The following SORCS3 variants were observed in gnomAD, a reference collection of about 807,000 sequenced individuals.
SORCS3 encodes sortilin related VPS10 domain containing receptor 3.
Under a neutral mutation model 146.3 loss-of-function variants are expected in SORCS3, and 57 were observed. The ratio of observed to expected loss-of-function variants is 0.39; its 90% CI spans 0.31 to 0.49. The LOEUF is 0.49. Among genes scored for constraint, SORCS3 ranks in the 20% least tolerant of loss-of-function variants. The pLI is 0.92. For missense variants in SORCS3, 1,341 were observed against 1,575.5 expected (o/e 0.85, Z 2.52); for synonymous variants, 653 against 618.5 (o/e 1.06, Z -0.83).
intron 7 of SORCS3, among the ~76,000 whole-genome samples, chr10:105,110,295 C>T (rs1233536850): frequency 1.3e-5 from 2 of 151,886 alleles, no homozygotes; most frequent in Non-Finnish European, 2.9e-5. Flanking sequence ...TAGAGGTGAG[C>T]TCTTCATCAT....
chr10:104,742,829 G>T (rs1438693281), intron 1 of SORCS3, among the ~76,000 whole-genome samples: 1 of 152,150 alleles, frequency 6.6e-6, no homozygotes, highest in South Asian at 2.1e-4. Flanking sequence ...TGTTCCATTG[G>T]TTGGAACTGC....
At chr10:105,119,216 C>T (rs1384699900) in intron 7 of SORCS3, among the ~76,000 whole-genome samples, 3 of 152,160 alleles carry the variant, frequency 2.0e-5, no homozygotes, top group Non-Finnish European at 4.4e-5. Flanking sequence ...AGTCTCAAGC[C>T]TTGGTGGCTA....
chr10:105,245,256 C>G (rs1336696701), intron 20 of SORCS3, among the ~76,000 whole-genome samples: 1 of 152,042 alleles, frequency 6.6e-6, no homozygotes, highest in Non-Finnish European at 1.5e-5. Context: ...GTTACAAAAG[C>G]TGTTTCTACT....
chr10:105,163,883 T>TACACACACACACACACACACACAC (rs67886313), intron 11 of SORCS3, among the ~76,000 whole-genome samples: 1 of 138,598 alleles, frequency 7.2e-6, no homozygotes, highest in African/African-American at 2.5e-5. Context: ...GTTACGCACA[T>TACACACACACACACACACACACAC]ACACACACAC....
Position 105,255,829 on chromosome 10 carries a change from G to A in SORCS3, c.3337+28G>A, listed in dbSNP as rs753776041. 5 of 1,514,660 alleles carry A rather than the reference G, an allele frequency of 3.3e-6. No homozygotes were observed. In the South Asian group the frequency reaches 5.7e-5, roughly 17 times the overall value. 93.8% of individuals were successfully genotyped at this position (1,514,660 alleles called of 1,614,324 possible). ...GAGTGCCACTGGGAACTGGGGAAAT[G>A]GGAAAGAGGATCTGTTATCCCAGAG... On this transcript the variant is annotated intron_variant, in intron 24 of 26. Coordinates refer to ENST00000369701, the MANE Select transcript of SORCS3 (RefSeq NM_014978.3).
intron 13 of SORCS3, among the ~76,000 whole-genome samples, chr10:105,172,255 C>A (rs2056366411): frequency 6.6e-6 from 1 of 152,138 alleles, no homozygotes; most frequent in Non-Finnish European, 1.5e-5. Context: ...ACATGATATG[C>A]AACTCAAGAC....
intron 20 of SORCS3, among the ~76,000 whole-genome samples, chr10:105,242,429 TATAC>T (rs557403193): frequency 0.022 from 1,461 of 66,426 alleles, 47 homozygotes; most frequent in South Asian, 0.044. Flanking sequence ...TTTATATATT[TATAC>T]ATATATTTAT....
intron 5 of SORCS3, among the ~76,000 whole-genome samples, chr10:105,047,138 AT>A (rs148094186): frequency 0.047 from 7,035 of 150,236 alleles, 191 homozygotes; most frequent in Middle Eastern, 0.077. Context: ...CAGTGGGAAG[AT>A]TTTTTTTTTC....
At chr10:105,200,745 A>G (rs2056569757) in intron 15 of SORCS3, among the ~76,000 whole-genome samples, 1 of 152,202 alleles carries the variant, frequency 6.6e-6, no homozygotes, top group Admixed American at 6.5e-5. Context: ...ACCATGTGAA[A>G]AATGTGCCAT....
At chr10:105,222,546 A>G (rs1438726405) in intron 19 of SORCS3, among the ~76,000 whole-genome samples, 1 of 152,164 alleles carries the variant, frequency 6.6e-6, no homozygotes, top group African/African-American at 2.4e-5. Context: ...CAGATTTCTT[A>G]TTATTTGGGA....
rs371828840 is a variant in SORCS3 at position 104,652,018 on chromosome 10, G to C, written c.627+10064G>C. On this transcript the variant is annotated intron_variant, in intron 1 of 26. Coordinates refer to ENST00000369701, the MANE Select transcript of SORCS3 (RefSeq NM_014978.3). ...CATGTTTCTTTCATGGTTTCCCAGA[G>C]CTCCCTGTGGGATTAAACCCCAGTT... Among the ~76,000 whole-genome samples the C allele has an allele frequency of 6.6e-5, 10 of 152,034 alleles. No homozygotes were observed. In the East Asian group the frequency reaches 1.9e-3, roughly 29 times the overall value.
intron 5 of SORCS3, among the ~76,000 whole-genome samples, chr10:105,072,848 T>C (rs1215199913): frequency 2.0e-5 from 3 of 152,070 alleles, no homozygotes; most frequent in Non-Finnish European, 2.9e-5. Flanking sequence ...TGATGATCCC[T>C]TGGGAAGACC....
At position 104,953,920 on chromosome 10, in the gene SORCS3, C is replaced by T. The variant is rs541608300; in HGVS notation, c.796-23415C>T. Among the ~76,000 whole-genome samples the T allele has an allele frequency of 1.6e-3, 246 of 152,174 alleles. 1 individual carries two copies. Among genetic ancestry groups the T allele is most frequent in the African/African-American group, 5.4e-3 (226 of 41,510 alleles). ...GTAAAATAGCAACCTAACATAGGAC[C>T]CAGTGGGGACTCAGCATTGGAAACA... On this transcript the variant is annotated intron_variant, in intron 3 of 26. Coordinates refer to ENST00000369701, the MANE Select transcript of SORCS3 (RefSeq NM_014978.3).
intron 1 of SORCS3, among the ~76,000 whole-genome samples, chr10:104,720,802 T>C (rs2016538456): frequency 2.0e-5 from 3 of 152,190 alleles, no homozygotes; most frequent in South Asian, 2.1e-4. Context: ...TCATATCCTT[T>C]GCCCACTTGT....
chr10:104,707,465 G>A (rs1005554984), intron 1 of SORCS3, among the ~76,000 whole-genome samples: 6 of 152,160 alleles, frequency 3.9e-5, no homozygotes, highest in Non-Finnish European at 8.8e-5. Context: ...CACTGAACCA[G>A]ACTCTCTGAT....
intron 4 of SORCS3, among the ~76,000 whole-genome samples, chr10:105,011,650 G>T (rs1202496786): frequency 6.6e-6 from 1 of 152,162 alleles, no homozygotes; most frequent in Non-Finnish European, 1.5e-5. Context: ...CATTTTGAGA[G>T]CCTAGGGCCT....
chr10:104,880,878 C>G (rs1390644107), intron 2 of SORCS3, among the ~76,000 whole-genome samples: 6 of 152,128 alleles, frequency 3.9e-5, no homozygotes. Context: ...ACATGAGTCA[C>G]AATGGGACTT....
intron 20 of SORCS3, among the ~76,000 whole-genome samples, chr10:105,228,448 CTCTT>C (rs1346415449): frequency 2.7e-5 from 4 of 150,546 alleles, no homozygotes; most frequent in Admixed American, 2.0e-4. Flanking sequence ...CTCTTTCTCT[CTCTT>C]TCTCTCTTTC....
chr10:105,143,948 C>T (rs756551181), intron 8 of SORCS3, among the ~76,000 whole-genome samples: 32 of 152,100 alleles, frequency 2.1e-4, no homozygotes, highest in Non-Finnish European at 4.4e-4. Flanking sequence ...TTCTCCCTGC[C>T]TCTAGCATTG....
Sources: allele counts gnomAD v4.1 joint callset (sites outside exome capture counted in the v4.1 genomes callset), GRCh38; gene constraint gnomAD v4.1.1; transcripts MANE v1.5; gene names NCBI Gene and HGNC (gene_info 2026-07-23, HGNC 2026-07-21).